Variants in CDH5 observed in about 807,000 individuals in gnomAD.
CDH5 encodes the protein cadherin-5.
A neutral mutation model predicts 62.0 loss-of-function variants in CDH5; 28 were observed. The ratio of observed to expected loss-of-function variants is 0.45; its 90% CI spans 0.33 to 0.62. The LOEUF (loss-of-function observed/expected upper bound fraction) is 0.62, where lower values mean the gene tolerates loss of function less well. Among genes scored for constraint, CDH5 ranks in the 20% least tolerant of loss-of-function variants. CDH5 has a pLI of 0.02. For missense variants in CDH5, 940 were observed against 1,065.1 expected (o/e 0.88, Z 1.63); for synonymous variants, 464 against 445.8 (o/e 1.04, Z -0.52).
chr16:66,381,324 TAA>T (rs1470721725), intron 2 of CDH5, among the ~76,000 whole-genome samples: 1 of 152,290 alleles, frequency 6.6e-6, no homozygotes, highest in East Asian at 1.9e-4. Flanking sequence ...TGTCCTCCTT[TAA>T]AACATGTCTA....
At position 66,403,303 on chromosome 16, in the gene CDH5, C is replaced by T. The variant is rs760832252; in HGVS notation, c.*134C>T. The T allele has an allele frequency of 3.0e-5, 22 of 737,016 alleles. No homozygotes were observed. Among genetic ancestry groups the T allele is most frequent in the Non-Finnish European group, 4.8e-5 (22 of 459,324 alleles). 45.7% of individuals were successfully genotyped at this position (737,016 alleles called of 1,614,324 possible). ...CCCCTTCCTCGTGGGTCCCAGAGAC[C>T]TCATCAGCCTTGGGATAGCAAACTC... On this transcript the variant is annotated 3_prime_UTR_variant, in exon 12 of 12. Coordinates refer to ENST00000341529, the MANE Select transcript of CDH5 (RefSeq NM_001795.5). The surrounding 1 kb of genome is among the most constrained non-coding windows in gnomAD (Gnocchi z 4.3).
At chr16:66,391,956 A>G (rs932596278) in intron 6 of CDH5, among the ~76,000 whole-genome samples, 180 bp from the exon 7 acceptor site, 2 of 152,206 alleles carry the variant, frequency 1.3e-5, no homozygotes, top group African/African-American at 4.8e-5. Flanking sequence ...AGCTGAAGAC[A>G]GACACCAGGC....
chr16:66,375,781 G>A (rs889075494), intron 1 of CDH5, among the ~76,000 whole-genome samples: 1 of 151,336 alleles, frequency 6.6e-6, no homozygotes, highest in Non-Finnish European at 1.5e-5. Flanking sequence ...TATTAGGGTA[G>A]TGCAAAAGTA....
chr16:66,403,055 C>T lies in CDH5; in HGVS notation c.2241C>T (p.Gly747=), dbSNP rs1217805388. ...TAGCCGAGTCCCTCAGCTCCCTGGG[C>T]ACCGACTCATCCGACTCTGACGTGG... ...ESIAESLSSL[G]TDSSDSDVDY... Residue 747 remains glycine, a synonymous_variant, in exon 12 of 12, where the codon GGC becomes GGT. Coordinates refer to ENST00000341529, the MANE Select transcript of CDH5 (RefSeq NM_001795.5). This position sits in a 1 kb window ranked among gnomAD's most constrained non-coding sequence, Gnocchi z 4.3. The T allele has an allele frequency of 6.2e-7, 1 of 1,613,440 alleles. No homozygotes were observed. The highest frequency in any genetic ancestry group is 8.5e-7 in the Non-Finnish European group (1 of 1,179,824).
chr16:66,399,486 G>C (rs1032205789), intron 10 of CDH5, among the ~76,000 whole-genome samples: 1 of 152,176 alleles, frequency 6.6e-6, no homozygotes, highest in African/African-American at 2.4e-5. Context: ...CTGGGGAGTG[G>C]GGTCCCTGAA....
At chr16:66,401,118 C>A in intron 11 of CDH5, 102 bp downstream of exon 11, 2 of 1,472,804 alleles carry the variant, frequency 1.4e-6, no homozygotes, top group Admixed American at 1.8e-5. Context: ...GCCAGAGGTT[C>A]AGGCCCAACC....
chr16:66,392,827 T>G, intron 7 of CDH5: 1 of 168,060 alleles, frequency 6.0e-6, no homozygotes, highest in Non-Finnish European at 1.3e-5. Flanking sequence ...AAGAAAACAC[T>G]GATAACCCCC....
chr16:66,370,785 C>T (rs1960672794), intron 1 of CDH5, among the ~76,000 whole-genome samples: 1 of 152,200 alleles, frequency 6.6e-6, no homozygotes, highest in Non-Finnish European at 1.5e-5. Context: ...GCATTCCAGT[C>T]AGAAGGAACA....
Position 66,388,324 on chromosome 16 carries a change from G to A in CDH5, c.500G>A (p.Gly167Glu). ...NASVPESSAV[G>E]TSVISVTAVD... is the part of the protein sequence containing the mutation. The stretch of plus-strand genomic sequence containing the variant: ...CAACCCCAGGATTCTCTCTCTGCAG[G>A]GACCTCAGTCATCTCTGTGACAGCA... The change falls in exon 4 of 12, where the codon GGG becomes GAG. Residue 167 changes from glycine (G) to glutamate (E), a missense_variant and splice_region_variant. By Grantham distance (98) the Gly-to-Glu change is moderately conservative. Transcript: ENST00000341529. The A allele has an allele frequency of 6.2e-7, 1 of 1,604,910 alleles. No individual in the cohort carries two copies. Among genetic ancestry groups the A allele is most frequent in the East Asian group, 2.2e-5 (1 of 44,832 alleles).
At position 66,397,196 on chromosome 16, in the gene CDH5, C is replaced by A. The variant is rs1961200617; in HGVS notation, c.1361-786C>A. Among the ~76,000 whole-genome samples the A allele has an allele frequency of 2.6e-5, 4 of 152,074 alleles. No individual in the cohort carries two copies. In the South Asian group the frequency reaches 8.3e-4, roughly 32 times the overall value. On this transcript the variant is annotated intron_variant, in intron 8 of 11. Transcript: ENST00000341529. The stretch of plus-strand genomic sequence containing the variant: ...TACTTAACCTTTACTTAACCTTATT[C>A]CAGAACCACTTTCTCATGGTACTAA...
chr16:66,397,617 C>A (rs953410986), intron 8 of CDH5, among the ~76,000 whole-genome samples: 4 of 152,064 alleles, frequency 2.6e-5, no homozygotes, highest in Admixed American at 2.6e-4. Flanking sequence ...AGTTTACTGA[C>A]CCAATCTCAC....
chr16:66,370,395 C>A (rs936102485), intron 1 of CDH5, among the ~76,000 whole-genome samples: 7 of 152,124 alleles, frequency 4.6e-5, no homozygotes, highest in Non-Finnish European at 8.8e-5. Context: ...ATCCCATGAG[C>A]CATCAGAGGA....
chr16:66,390,339 A>G, intron 5 of CDH5, 64 bp from the exon 6 acceptor site: 1 of 1,255,408 alleles, frequency 8.0e-7, no homozygotes, highest in Non-Finnish European at 1.1e-6. Flanking sequence ...GAATAGCTGA[A>G]AGAGGCAATC....
chr16:66,392,258 A>G lies in CDH5; in HGVS notation c.1092A>G (p.Thr364=), dbSNP rs781266786. The change falls in exon 7 of 12, where the codon ACA becomes ACG. Residue 364 remains threonine (T), a synonymous_variant. Transcript: ENST00000341529. ...GNRAQVIINI[T]DVDEPPIFQQ... is the part of the protein sequence containing the mutation. ...GAGCCCAGGTCATTATCAACATCAC[A>G]GATGTGGACGAGCCCCCCATTTTCC... The G allele has an allele frequency of 6.2e-7, 1 of 1,614,070 alleles. No homozygotes were observed. The highest frequency in any genetic ancestry group is 1.7e-5 in the Admixed American group (1 of 60,010).
chr16:66,389,353 T>G lies in CDH5; in HGVS notation c.617-5T>G. Reference sequence around the variant, plus strand: ...ACATGGTTCCTGCTGGGAATCTTTTTGCAGGACGTATTATCACAATAACGA... The same window carrying G: ...ACATGGTTCCTGCTGGGAATCTTTTGGCAGGACGTATTATCACAATAACGA... On this transcript the variant is annotated splice_region_variant and splice_polypyrimidine_tract_variant and intron_variant, in intron 4 of 11. Coordinates refer to ENST00000341529, the MANE Select transcript of CDH5 (RefSeq NM_001795.5). The G allele has an allele frequency of 6.2e-7, 1 of 1,605,306 alleles. No homozygotes were observed. Among genetic ancestry groups the G allele is most frequent in the East Asian group, 2.2e-5 (1 of 44,574 alleles).
At chr16:66,398,288 G>A (rs1006902116) in intron 9 of CDH5, among the ~76,000 whole-genome samples, 168 bp from the exon 10 acceptor site, 5 of 152,144 alleles carry the variant, frequency 3.3e-5, no homozygotes, top group East Asian at 1.9e-4. Context: ...GTAGATTGGC[G>A]GGGCAGGGAA....
chr16:66,384,387 C>T (rs1034824612), intron 2 of CDH5, among the ~76,000 whole-genome samples: 5 of 151,766 alleles, frequency 3.3e-5, no homozygotes, highest in Non-Finnish European at 7.4e-5. Flanking sequence ...AGCCACCATG[C>T]CCCCCGAGTC....
At chr16:66,398,621 A>G (rs1961231199) in intron 10 of CDH5, 60 bp downstream of exon 10, 2 of 872,972 alleles carry the variant, frequency 2.3e-6, no homozygotes, top group Middle Eastern at 2.4e-4. Context: ...AGTCTCAGCT[A>G]CTCAGGAGGC....
At chr16:66,401,223 C>T (rs1231624678) in intron 11 of CDH5, among the ~76,000 whole-genome samples, 1 of 152,160 alleles carries the variant, frequency 6.6e-6, no homozygotes, top group African/African-American at 2.4e-5. Context: ...GGGGGATGAG[C>T]CAGGGAGGAG....
Sources: allele counts gnomAD v4.1 joint callset (sites outside exome capture counted in the v4.1 genomes callset), GRCh38; gene constraint gnomAD v4.1.1; non-coding constraint Gnocchi (gnomAD v3.1); transcripts MANE v1.5; gene names NCBI Gene and HGNC (gene_info 2026-07-23, HGNC 2026-07-21).